Variants in RABGAP1L observed in about 807,000 individuals in gnomAD.
RABGAP1L encodes RAB GTPase activating protein 1 like.
In RABGAP1L, 63 loss-of-function variants were observed where a neutral mutation model predicts 137.7. The ratio of observed to expected loss-of-function variants is 0.46; its 90% CI spans 0.37 to 0.56. The LOEUF (loss-of-function observed/expected upper bound fraction) is 0.56, where lower values mean the gene tolerates loss of function less well. Ranked by LOEUF, RABGAP1L falls within the 20% of genes least tolerant of loss-of-function variation. RABGAP1L has a pLI of 0.00. For missense variants in RABGAP1L, 1,095 were observed against 1,244.0 expected, an observed-to-expected ratio of 0.88 and a Z score of 1.80; for synonymous variants, 431 against 433.7, an observed-to-expected ratio of 0.99 and a Z score of 0.08.
chr1:174,191,518 G>C (rs1667208202), intron 1 of RABGAP1L, among the ~76,000 whole-genome samples: 1 of 152,120 alleles, frequency 6.6e-6, no homozygotes, highest in South Asian at 2.1e-4. Flanking sequence ...TATAGCCTTG[G>C]GGAAAATTAC....
At chr1:174,349,209 C>T (rs1159350511) in intron 11 of RABGAP1L, among the ~76,000 whole-genome samples, 3 of 135,122 alleles carry the variant, frequency 2.2e-5, no homozygotes, top group Admixed American at 7.0e-5. Context: ...CCGGACGGGG[C>T]GGCTGGCCGG....
chr1:174,307,378 G>A (rs956778449), intron 11 of RABGAP1L, among the ~76,000 whole-genome samples: 4 of 152,092 alleles, frequency 2.6e-5, no homozygotes, highest in African/African-American at 7.2e-5. Context: ...ACAATTTTGG[G>A]CAACCATCAC....
intron 19 of RABGAP1L, among the ~76,000 whole-genome samples, chr1:174,856,275 A>G (rs1649269370): frequency 6.6e-6 from 1 of 152,106 alleles, no homozygotes. Context: ...GGGCACCTGT[A>G]GTCCCAGCTA....
chr1:174,285,445 G>A (rs1290435871), intron 10 of RABGAP1L, among the ~76,000 whole-genome samples: 1 of 150,694 alleles, frequency 6.6e-6, no homozygotes, highest in Admixed American at 6.6e-5. Flanking sequence ...ATAGTTTGTC[G>A]ATTTCGTATA....
At chr1:174,836,760 C>T (rs762988294) in intron 19 of RABGAP1L, among the ~76,000 whole-genome samples, 1 of 152,140 alleles carries the variant, frequency 6.6e-6, no homozygotes, top group Admixed American at 6.6e-5. Context: ...CTTCATCGCT[C>T]CTTCTCTTGA....
Position 174,881,516 on chromosome 1 carries a change from T to TTA in RABGAP1L, c.2340+69556_2340+69557insTA, listed in dbSNP as rs1242077680. The stretch of plus-strand genomic sequence containing the variant: ...GCTTTTTTTTTTTTTTTTTTTTTTT[T>TTA]AAATATGGAGTCTCGCTCTGTCACC... On this transcript the variant is annotated intron_variant, in intron 19 of 25. Transcript: ENST00000681986. 1.1e-3 allele frequency among the ~76,000 whole-genome samples: 167 copies of TTA among 145,246 alleles called. 1 individual carries two copies. Among genetic ancestry groups the TTA allele is most frequent in the African/African-American group, 3.4e-3 (135 of 39,224 alleles).
At chr1:174,491,462 C>G (rs1660222629) in intron 13 of RABGAP1L, among the ~76,000 whole-genome samples, 1 of 151,926 alleles carries the variant, frequency 6.6e-6, no homozygotes, top group Non-Finnish European at 1.5e-5. Flanking sequence ...TTAAAATCCT[C>G]TTTACTCTTC....
At chr1:174,625,015 G>A (rs948256576) in intron 13 of RABGAP1L, among the ~76,000 whole-genome samples, 2 of 151,714 alleles carry the variant, frequency 1.3e-5, no homozygotes, top group African/African-American at 4.8e-5. Flanking sequence ...GGGATTACAG[G>A]CACCTGACAC....
At chr1:174,589,266 T>C (rs1174412274) in intron 13 of RABGAP1L, among the ~76,000 whole-genome samples, 1 of 152,256 alleles carries the variant, frequency 6.6e-6, no homozygotes, top group East Asian at 1.9e-4. Flanking sequence ...GAAATGTTTA[T>C]TCAAATCTTT....
rs1487047992 is a variant in RABGAP1L at position 174,413,942 on chromosome 1, A to G, written c.1710+19797A>G. 2.8e-5 allele frequency among the ~76,000 whole-genome samples: 3 copies of G among 108,070 alleles called. No individual in the cohort carries two copies. The South Asian group carries it at 8.0e-4, about 29-fold the overall frequency. The allele number at this position is 108,070 out of a possible 152,430, so 70.9% of individuals were successfully genotyped here. A position where few individuals can be genotyped will look rare whatever the true frequency, so the allele number is the denominator to read the frequency against. On this transcript the variant is annotated intron_variant, in intron 13 of 25. Transcript: ENST00000681986. ...GCTTAACTACCATAGGACAGAGGCC[A>G]TGAAGGCAGGGATAGACCAGCACAT...
chr1:174,161,219 GTATTATTATTATTAT>G (rs72031504), intron 1 of RABGAP1L, among the ~76,000 whole-genome samples: 22 of 145,304 alleles, frequency 1.5e-4, no homozygotes, highest in African/African-American at 2.5e-4. Flanking sequence ...GCTCTGATGT[GTATTATTATTATTAT>G]TATTATTATT....
chr1:174,630,469 A>G (rs1673276239), intron 13 of RABGAP1L, among the ~76,000 whole-genome samples: 1 of 95,662 alleles, frequency 1.0e-5, no homozygotes, highest in Non-Finnish European at 2.0e-5. Flanking sequence ...AAGGAATGGT[A>G]CCAGTTCCTC....
chr1:174,917,273 G>C (rs1195654831), intron 19 of RABGAP1L, among the ~76,000 whole-genome samples: 2 of 152,158 alleles, frequency 1.3e-5, no homozygotes, highest in Non-Finnish European at 2.9e-5. Flanking sequence ...TGCACACTTA[G>C]AGGAAATTGG....
intron 13 of RABGAP1L, among the ~76,000 whole-genome samples, chr1:174,459,524 TC>T (rs1656431457): frequency 6.6e-6 from 1 of 152,132 alleles, no homozygotes; most frequent in Admixed American, 6.5e-5. Context: ...CACACACCCT[TC>T]CATATACTTT....
At chr1:174,315,833 TCTCTTTCTCTACCTC>T in intron 11 of RABGAP1L, among the ~76,000 whole-genome samples, 1 of 152,274 alleles carries the variant, frequency 6.6e-6, no homozygotes, top group Admixed American at 6.5e-5. Context: ...TTCTACCCTA[TCTCTTTCTCTACCTC>T]CTCTTTAAGG....
chr1:174,219,959 G>T (rs184231000), intron 2 of RABGAP1L, among the ~76,000 whole-genome samples: 335 of 152,246 alleles, frequency 2.2e-3, no homozygotes, highest in Admixed American at 4.0e-3. Flanking sequence ...GGCATCAAAA[G>T]TGTATTAATA....
At chr1:174,677,005 A>C (rs1422223520) in intron 14 of RABGAP1L, among the ~76,000 whole-genome samples, 1 of 152,048 alleles carries the variant, frequency 6.6e-6, no homozygotes, top group Non-Finnish European at 1.5e-5. Context: ...TTGTTTCCAC[A>C]TTTGTCCCAC....
chr1:174,816,456 T>C (rs1478717396), intron 19 of RABGAP1L, among the ~76,000 whole-genome samples: 6 of 152,104 alleles, frequency 3.9e-5, no homozygotes, highest in Admixed American at 3.9e-4. Flanking sequence ...TCGTAATATA[T>C]AGCTTTATTA....
In RABGAP1L at chr1:174,811,828, G is replaced by T. The variant is rs777964397; in HGVS notation, c.2212-4G>T. The T allele has an allele frequency of 6.4e-7, 1 of 1,552,752 alleles. No individual in the cohort carries two copies. Among genetic ancestry groups the T allele is most frequent in the Non-Finnish European group, 8.7e-7 (1 of 1,152,860 alleles). ...AATGACGATTCTTGATGATTATTTT[G>T]CAGACCTCAAAGGAAGACCTTCTGC... On this transcript the variant is annotated splice_polypyrimidine_tract_variant and splice_region_variant and intron_variant, in intron 18 of 25. Transcript: ENST00000681986.
Sources: gnomAD v4.1 joint callset for allele counts (sites outside exome capture counted in the v4.1 genomes callset) on GRCh38, gnomAD v4.1.1 for gene constraint, MANE v1.5 for transcripts, NCBI Gene and HGNC (gene_info 2026-07-23, HGNC 2026-07-21) for gene names.